The following AOPEP variants were observed in gnomAD, a reference collection of about 807,000 sequenced individuals.
AOPEP encodes the protein aminopeptidase O.
Under a neutral mutation model 98.1 loss-of-function variants are expected in AOPEP, and 77 were observed. That is an observed-to-expected ratio of 0.78 (90% CI 0.65 to 0.95). The LOEUF is 0.95. Ranked by LOEUF, AOPEP falls within the 40% of genes least tolerant of loss-of-function variation. The pLI, the probability that AOPEP is intolerant of heterozygous loss-of-function variation, is 0.00. For missense variants in AOPEP, 1,024 were observed against 1,024.7 expected, an observed-to-expected ratio of 1.00 and a Z score of 0.01; for synonymous variants, 346 against 365.3, an observed-to-expected ratio of 0.95 and a Z score of 0.60.
chr9:95,073,567 TC>T, intron 14 of AOPEP, among the ~76,000 whole-genome samples: 5 of 151,510 alleles, frequency 3.3e-5, no homozygotes, highest in African/African-American at 9.7e-5. Context: ...ACACCTGTAA[TC>T]CCAGCAGGCC....
chr9:94,838,286 G>A (rs1047680175), intron 5 of AOPEP, among the ~76,000 whole-genome samples: 2 of 152,162 alleles, frequency 1.3e-5, no homozygotes, highest in Non-Finnish European at 2.9e-5. Context: ...TGGGTTACAG[G>A]CGTGAGCCAC....
intron 5 of AOPEP, among the ~76,000 whole-genome samples, chr9:94,850,922 C>G (rs1362611119): frequency 6.6e-6 from 1 of 152,216 alleles, no homozygotes; most frequent in Non-Finnish European, 1.5e-5. Context: ...TCTCAGAAAA[C>G]TTTCTTCACA....
At chr9:94,818,891 C>G (rs890424142) in intron 5 of AOPEP, among the ~76,000 whole-genome samples, 1 of 152,166 alleles carries the variant, frequency 6.6e-6, no homozygotes, top group African/African-American at 2.4e-5. Flanking sequence ...CCACTCGGGA[C>G]GCTGAGGCAG....
intron 5 of AOPEP, among the ~76,000 whole-genome samples, chr9:94,829,200 A>T (rs1301933883): frequency 1.3e-5 from 2 of 152,014 alleles, no homozygotes; most frequent in Non-Finnish European, 2.9e-5. Context: ...CAGTTTACAC[A>T]CACACACACA....
At chr9:94,826,525 A>G (rs1266688651) in intron 5 of AOPEP, among the ~76,000 whole-genome samples, 1 of 152,220 alleles carries the variant, frequency 6.6e-6, no homozygotes, top group Non-Finnish European at 1.5e-5. Flanking sequence ...TTGTTGCAGT[A>G]AGTAGCTTTA....
intron 5 of AOPEP, among the ~76,000 whole-genome samples, chr9:94,923,421 C>T (rs560673371): frequency 6.6e-6 from 1 of 152,310 alleles, no homozygotes; most frequent in East Asian, 1.9e-4. Context: ...ACGGTCTCGG[C>T]CTTTATTCGG....
chr9:94,858,851 C>A (rs1179099439), intron 5 of AOPEP, among the ~76,000 whole-genome samples: 1 of 151,940 alleles, frequency 6.6e-6, no homozygotes, highest in Non-Finnish European at 1.5e-5. Flanking sequence ...GAGTTGGAGA[C>A]CCGCCTGGCC....
chr9:94,986,989 T>G (rs1010289805), intron 11 of AOPEP, among the ~76,000 whole-genome samples: 1 of 152,222 alleles, frequency 6.6e-6, no homozygotes, highest in Non-Finnish European at 1.5e-5. Context: ...GGTAGAACTT[T>G]CAAGCATCCA....
the AOPEP span, among the ~76,000 whole-genome samples, chr9:95,133,720 A>G: frequency 6.6e-6 from 1 of 152,250 alleles, no homozygotes; most frequent in African/African-American, 2.4e-5. Flanking sequence ...GCACCCTGGA[A>G]GCAAGCATAT....
Position 94,930,160 on chromosome 9 carries a change from C to A in AOPEP, c.1661+1629C>A, listed in dbSNP as rs972912648. On this transcript the variant is annotated intron_variant, in intron 7 of 16. Transcript: ENST00000375315. The surrounding 1 kb of genome is among the most constrained non-coding windows in gnomAD (Gnocchi z 4.5). Reference sequence around the variant, plus strand: ...GAACGGTTGCAGCCTTGCAGTAGTCCATGCAAGAGGCCCTGGAGTGCCTGT... The same window carrying A: ...GAACGGTTGCAGCCTTGCAGTAGTCAATGCAAGAGGCCCTGGAGTGCCTGT... Among the ~76,000 whole-genome samples the A allele has an allele frequency of 1.3e-5, 2 of 152,200 alleles. No individual in the cohort carries two copies. The highest frequency in any genetic ancestry group is 4.8e-5 in the African/African-American group (2 of 41,450).
chr9:94,959,835 G>T (rs1335284143), intron 9 of AOPEP, among the ~76,000 whole-genome samples: 2 of 152,076 alleles, frequency 1.3e-5, no homozygotes, highest in African/African-American at 4.8e-5. Context: ...TACAGACATT[G>T]ATGTCACTGG....
chr9:94,773,923 G>A (rs551510041), intron 3 of AOPEP, among the ~76,000 whole-genome samples: 15 of 152,080 alleles, frequency 9.9e-5, no homozygotes, highest in African/African-American at 2.4e-4. Context: ...ATGCTACCAC[G>A]CCCAGCTAAT....
intron 5 of AOPEP, among the ~76,000 whole-genome samples, chr9:94,837,378 A>G (rs1447153087): frequency 6.6e-6 from 1 of 152,256 alleles, no homozygotes; most frequent in African/African-American, 2.4e-5. Flanking sequence ...ATACAAAAAA[A>G]GAGGGAATCC....
intron 11 of AOPEP, among the ~76,000 whole-genome samples, chr9:95,000,523 C>G (rs560688304): frequency 1.3e-5 from 2 of 152,210 alleles, no homozygotes; most frequent in African/African-American, 4.8e-5. Flanking sequence ...GCCTGGCCAA[C>G]ATGGTGAAAC....
the AOPEP span, among the ~76,000 whole-genome samples, chr9:95,112,170 G>C: frequency 6.6e-6 from 1 of 152,238 alleles, no homozygotes; most frequent in African/African-American, 2.4e-5. Context: ...CGCCACACTG[G>C]CAAATGGGAG....
chr9:94,878,585 CAG>C (rs2047231331), intron 5 of AOPEP, among the ~76,000 whole-genome samples: 1 of 152,094 alleles, frequency 6.6e-6, no homozygotes, highest in Non-Finnish European at 1.5e-5. Flanking sequence ...TTAGTCATAT[CAG>C]AGTTTAGGAG....
chr9:94,854,314 C>T (rs1389088685), intron 5 of AOPEP, among the ~76,000 whole-genome samples: 1 of 152,072 alleles, frequency 6.6e-6, no homozygotes, highest in African/African-American at 2.4e-5. Context: ...GTACTGGAGG[C>T]AAAGGTGCCT....
chr9:94,994,176 T>G (rs1314766348), intron 11 of AOPEP, among the ~76,000 whole-genome samples: 1 of 152,222 alleles, frequency 6.6e-6, no homozygotes, highest in Non-Finnish European at 1.5e-5. Context: ...AAATTGTATT[T>G]CCTAGTCACT....
chr9:94,971,180 T>C (rs909291698), intron 10 of AOPEP, among the ~76,000 whole-genome samples: 3 of 152,280 alleles, frequency 2.0e-5, no homozygotes, highest in South Asian at 4.2e-4. Context: ...AAGAGACTTT[T>C]GTTGTTGTAA....
Sources: allele counts gnomAD v4.1 joint callset (sites outside exome capture counted in the v4.1 genomes callset), GRCh38; gene constraint gnomAD v4.1.1; non-coding constraint Gnocchi (gnomAD v3.1); transcripts MANE v1.5; gene names NCBI Gene and HGNC (gene_info 2026-07-23, HGNC 2026-07-21).